LRRC2: variants seen among roughly 807,000 people sequenced by gnomAD.
LRRC2 encodes leucine rich repeat containing 2, also known as leucine-rich repeat-containing protein 2.
A neutral mutation model predicts 40.2 loss-of-function variants in LRRC2; 27 were observed. The ratio of observed to expected loss-of-function variants is 0.67; its 90% CI spans 0.49 to 0.93. The LOEUF (loss-of-function observed/expected upper bound fraction) is 0.93, where lower values mean the gene tolerates loss of function less well. Among genes scored for constraint, LRRC2 ranks in the 40% least tolerant of loss-of-function variants. The pLI, the probability that LRRC2 is intolerant of heterozygous loss-of-function variation, is 0.00. For synonymous variants in LRRC2, 147 were observed against 158.9 expected (o/e 0.92, Z 0.56); for missense variants, 402 against 439.6 (o/e 0.91, Z 0.76).
At chr3:46,536,155 C>T (rs1194712074) in intron 4 of LRRC2, among the ~76,000 whole-genome samples, 3 of 152,132 alleles carry the variant, frequency 2.0e-5, no homozygotes, top group Non-Finnish European at 2.9e-5. Flanking sequence ...ACAGCTACAA[C>T]GTAGGTCTAT....
At chr3:46,559,737 A>T (rs1303084804) in intron 1 of LRRC2, 1 of 152,220 alleles carries the variant, frequency 6.6e-6, no homozygotes, top group Non-Finnish European at 1.5e-5. Flanking sequence ...TATGAAATTT[A>T]ATTACCAAAG....
chr3:46,562,069 C>T (rs1029850220), intron 1 of LRRC2, among the ~76,000 whole-genome samples: 1 of 152,180 alleles, frequency 6.6e-6, no homozygotes, highest in Non-Finnish European at 1.5e-5. Flanking sequence ...CTTAATTCCT[C>T]CCCCCTTGAG....
At chr3:46,548,410 T>G (rs1704574040) in intron 2 of LRRC2, among the ~76,000 whole-genome samples, 1 of 152,246 alleles carries the variant, frequency 6.6e-6, no homozygotes, top group African/African-American at 2.4e-5. Flanking sequence ...TAAACTATTT[T>G]TTTAATTCCA....
chr3:46,525,261 C>T (rs11130096), intron 7 of LRRC2, among the ~76,000 whole-genome samples: 1,332 of 40,638 alleles, frequency 0.033, 33 homozygotes, highest in African/African-American at 0.053. Flanking sequence ...GCCTTTTTTT[C>T]TTTTTTTTAG....
At chr3:46,534,396 CTTTCT>C (rs1043685944) in intron 4 of LRRC2, among the ~76,000 whole-genome samples, 3 of 151,340 alleles carry the variant, frequency 2.0e-5, no homozygotes, top group Non-Finnish European at 2.9e-5. Context: ...TTTTTGTTTT[CTTTCT>C]TTTCTTTTCT....
At chr3:46,531,623 A>G (rs995436881) in intron 5 of LRRC2, among the ~76,000 whole-genome samples, 5 of 152,162 alleles carry the variant, frequency 3.3e-5, no homozygotes, top group Admixed American at 1.3e-4. Flanking sequence ...ATCTGTGTGA[A>G]GATTGAGCCA....
In LRRC2 at chr3:46,528,495, C is replaced by G. The variant is rs549116058; in HGVS notation, c.774-914G>C. 2.0e-5 allele frequency among the ~76,000 whole-genome samples: 3 copies of G among 152,268 alleles called. No individual in the cohort carries two copies. The South Asian group carries it at 6.2e-4, about 32-fold the overall frequency. ...CTCATTACGTCTTCCAACTTTAAAACAGGAAGGCAACTGCGGAGTGAAAAG... is the reference window on the plus strand; with the variant it reads ...CTCATTACGTCTTCCAACTTTAAAAGAGGAAGGCAACTGCGGAGTGAAAAG... On this transcript the variant is annotated intron_variant, in intron 6 of 8. Coordinates refer to ENST00000395905, the MANE Select transcript of LRRC2 (RefSeq NM_024512.5).
chr3:46,532,466 G>A (rs1207850511), intron 5 of LRRC2, among the ~76,000 whole-genome samples: 5 of 152,048 alleles, frequency 3.3e-5, no homozygotes, highest in Admixed American at 6.6e-5. Context: ...TTAGCCAGAC[G>A]TGGTGGTGTG....
intron 3 of LRRC2, among the ~76,000 whole-genome samples, chr3:46,541,392 G>A (rs929528515): frequency 4.0e-5 from 6 of 151,162 alleles, no homozygotes; most frequent in African/African-American, 1.5e-4. Context: ...AAATAGAAAT[G>A]AAAAGAATCG....
At chr3:46,523,609 A>T (rs763282189) in intron 7 of LRRC2, among the ~76,000 whole-genome samples, 8 of 152,200 alleles carry the variant, frequency 5.3e-5, no homozygotes, top group Non-Finnish European at 1.0e-4. Flanking sequence ...TCCATGTTTA[A>T]CATTTTGCTA....
chr3:46,536,020 G>C (rs1440706463), intron 4 of LRRC2, among the ~76,000 whole-genome samples: 1 of 152,182 alleles, frequency 6.6e-6, no homozygotes, highest in South Asian at 2.1e-4. Context: ...CCTGATCCTA[G>C]AGTCCACCTC....
chr3:46,556,766 A>G (rs1296897803), intron 1 of LRRC2, among the ~76,000 whole-genome samples: 7 of 151,808 alleles, frequency 4.6e-5, no homozygotes, highest in Admixed American at 4.6e-4. Flanking sequence ...TTTAGTAGAG[A>G]CAGGGTTTCA....
In LRRC2 at chr3:46,518,536, A is replaced by G. The variant is rs1703907496; in HGVS notation, c.*478T>C. 6.6e-6 allele frequency: 1 copy of G among 152,086 alleles called. No homozygotes were observed. Among genetic ancestry groups the G allele is most frequent in the Admixed American group, 6.6e-5 (1 of 15,256 alleles). The allele number at this position is 152,086 out of a possible 1,614,324, so 9.4% of individuals were successfully genotyped here. On this transcript the variant is annotated 3_prime_UTR_variant, in exon 9 of 9. Coordinates refer to ENST00000395905, the MANE Select transcript of LRRC2 (RefSeq NM_024512.5). ...CCACCATGCCCAGCTAATTTTTTGT[A>G]TTTTTAGTAGAGATGGGGTTTCGCC...
chr3:46,538,718 A>G (rs1028274875), intron 4 of LRRC2, among the ~76,000 whole-genome samples: 27 of 152,242 alleles, frequency 1.8e-4, no homozygotes, highest in African/African-American at 6.5e-4. Flanking sequence ...TACATTTCTA[A>G]TAAGCATACT....
intron 7 of LRRC2, among the ~76,000 whole-genome samples, chr3:46,525,086 C>CTTTTT (rs11284933): frequency 2.6e-5 from 3 of 117,570 alleles, no homozygotes; most frequent in East Asian, 2.4e-4. Context: ...CTTTTTTTTT[C>CTTTTT]TTTTTTTTTT....
chr3:46,536,583 C>A (rs532368711), intron 4 of LRRC2, among the ~76,000 whole-genome samples: 1 of 152,206 alleles, frequency 6.6e-6, no homozygotes, highest in South Asian at 2.1e-4. Context: ...CTCACTCCCC[C>A]ACCAGTGGTC....
Position 46,519,610 on chromosome 3 carries a change from G to A in LRRC2, c.1067-547C>T, listed in dbSNP as rs183932474. Reference sequence around the variant, plus strand: ...AATGGCTCTCAAAGTGTACTTCTCAGACACAAGGCATCAACATCACCAGCG... The same window carrying A: ...AATGGCTCTCAAAGTGTACTTCTCAAACACAAGGCATCAACATCACCAGCG... On this transcript the variant is annotated intron_variant, in intron 8 of 8. Transcript: ENST00000395905. Among the ~76,000 whole-genome samples, 239 of 152,286 alleles carry A rather than the reference G, an allele frequency of 1.6e-3. 2 individuals are homozygous for A. Among genetic ancestry groups the A allele is most frequent in the African/African-American group, 5.7e-3 (236 of 41,562 alleles).
chr3:46,558,340 T>C (rs897465474), intron 1 of LRRC2: 1 of 152,250 alleles, frequency 6.6e-6, no homozygotes, highest in South Asian at 2.1e-4. Context: ...AAGCAGTAAG[T>C]TGATAACTGA....
At chr3:46,550,304 A>C (rs555336720) in intron 2 of LRRC2, among the ~76,000 whole-genome samples, 1 of 151,220 alleles carries the variant, frequency 6.6e-6, no homozygotes, top group African/African-American at 2.4e-5. Context: ...TGATCAGAAT[A>C]GGTATTTGTT....
Sources: allele counts gnomAD v4.1 joint callset (sites outside exome capture counted in the v4.1 genomes callset), GRCh38; gene constraint gnomAD v4.1.1; transcripts MANE v1.5; gene names NCBI Gene and HGNC (gene_info 2026-07-23, HGNC 2026-07-21).